Variants in MARK2 observed in about 807,000 individuals in gnomAD.
The protein encoded by MARK2 is microtubule affinity regulating kinase 2, also known as serine/threonine-protein kinase MARK2.
MARK2 carries 16 observed loss-of-function variants against 89.8 expected under a neutral mutation model. That is an observed-to-expected ratio of 0.18 (90% CI 0.12 to 0.27). The LOEUF is 0.27. Ranked by LOEUF, MARK2 falls within the 10% of genes least tolerant of loss-of-function variation. The pLI is 1.00. For synonymous variants in MARK2, 382 were observed against 399.5 expected, an observed-to-expected ratio of 0.96 and a Z score of 0.52; for missense variants, 621 against 1,049.9, an observed-to-expected ratio of 0.59 and a Z score of 5.65.
At chr11:63,853,775 AAAAT>A (rs1189343246) in intron 1 of MARK2, among the ~76,000 whole-genome samples, 1 of 152,232 alleles carries the variant, frequency 6.6e-6, no homozygotes, top group African/African-American at 2.4e-5. Flanking sequence ...TTGTGGTTGA[AAAAT>A]AAAAGCCATT....
At chr11:63,860,728 C>T (rs1354308843) in intron 1 of MARK2, among the ~76,000 whole-genome samples, 3 of 151,402 alleles carry the variant, frequency 2.0e-5, no homozygotes, top group Admixed American at 6.6e-5. Flanking sequence ...TATGGTGGCG[C>T]GTGCCTATAG....
chr11:63,846,945 C>A (rs140941733), intron 1 of MARK2, among the ~76,000 whole-genome samples: 2 of 152,150 alleles, frequency 1.3e-5, no homozygotes, highest in East Asian at 1.9e-4. Flanking sequence ...CGGGAGCCAC[C>A]GCGCCCAGCC....
At chr11:63,856,677 C>T (rs1328660678) in intron 1 of MARK2, among the ~76,000 whole-genome samples, 1 of 151,498 alleles carries the variant, frequency 6.6e-6, no homozygotes, top group Non-Finnish European at 1.5e-5. Flanking sequence ...CCAACCTCGG[C>T]CTCCCAAAGA....
intron 1 of MARK2, among the ~76,000 whole-genome samples, chr11:63,853,829 CA>C (rs972243667): frequency 1.2e-4 from 19 of 152,042 alleles, no homozygotes; most frequent in Admixed American, 7.9e-4. Context: ...TAAAGACTAT[CA>C]TTTTTTTTAT....
chr11:63,899,817 C>A, intron 7 of MARK2, 57 bp from the exon 8 acceptor site: 1 of 1,161,978 alleles, frequency 8.6e-7, no homozygotes, highest in Non-Finnish European at 1.3e-6. Flanking sequence ...CTCCTTCCTG[C>A]CCAGGGCCTT....
At chr11:63,862,887 A>G (rs1937888255) in intron 1 of MARK2, among the ~76,000 whole-genome samples, 1 of 152,058 alleles carries the variant, frequency 6.6e-6, no homozygotes, top group Non-Finnish European at 1.5e-5. Context: ...CCCACTAAAC[A>G]TAAGAAGCTT....
At chr11:63,868,058 A>C (rs1938232578) in intron 1 of MARK2, among the ~76,000 whole-genome samples, 1 of 152,118 alleles carries the variant, frequency 6.6e-6, no homozygotes, top group South Asian at 2.1e-4. Flanking sequence ...GCACATGGTC[A>C]CCTCTTAATG....
rs1680650007 is a variant in MARK2, at chr11:63,910,600, C to T, written c.*1363C>T. 1 of 152,018 alleles carries T rather than the reference C, an allele frequency of 6.6e-6. No homozygotes were observed. Among genetic ancestry groups the T allele is most frequent in the African/African-American group, 2.4e-5 (1 of 41,362 alleles). The allele number at this position is 152,018 out of a possible 1,614,324, so 9.4% of individuals were successfully genotyped here. On this transcript the variant is annotated 3_prime_UTR_variant, in exon 19 of 19. Transcript: ENST00000402010. Reference sequence around the variant, plus strand: ...TACACAGAGGCTGCCCCTACCCTCACCTGAGTTGTACATTTTTTTGTGATG... The same window carrying T: ...TACACAGAGGCTGCCCCTACCCTCATCTGAGTTGTACATTTTTTTGTGATG...
At position 63,902,398 on chromosome 11, in the gene MARK2, A is replaced by G; in HGVS notation, c.1234+68A>G. ...CAGAGAGGTTACAGGTTCTGTGGGG[A>G]CTTGGGTAACACAACTAAGTTTCAG... On this transcript the variant is annotated intron_variant, in intron 12 of 18. Transcript: ENST00000402010. The surrounding 1 kb of genome is among the most constrained non-coding windows in gnomAD (Gnocchi z 4.2). The G allele has an allele frequency of 1.3e-6, 2 of 1,591,954 alleles. No individual in the cohort carries two copies. The highest frequency in any genetic ancestry group is 2.7e-5 in the African/African-American group (2 of 74,450).
At chr11:63,873,822 T>C (rs1938590629) in intron 1 of MARK2, among the ~76,000 whole-genome samples, 1 of 152,206 alleles carries the variant, frequency 6.6e-6, no homozygotes, top group Non-Finnish European at 1.5e-5. Flanking sequence ...ATTTTTGTAT[T>C]TTTAATAAGA....
intron 1 of MARK2, among the ~76,000 whole-genome samples, chr11:63,883,399 A>G (rs1034994443): frequency 3.3e-5 from 5 of 152,178 alleles, no homozygotes; most frequent in Non-Finnish European, 4.4e-5. Context: ...ACAGGAATCA[A>G]CTTAGCTATA....
intron 1 of MARK2, among the ~76,000 whole-genome samples, chr11:63,892,726 A>ATTTTT (rs11412283): frequency 5.7e-5 from 7 of 122,132 alleles, no homozygotes; most frequent in East Asian, 4.7e-4. Flanking sequence ...CAGACTCTGC[A>ATTTTT]TTTTTTTTTT....
intron 1 of MARK2, among the ~76,000 whole-genome samples, chr11:63,847,596 G>C (rs1054681048): frequency 1.3e-5 from 2 of 152,204 alleles, no homozygotes; most frequent in Non-Finnish European, 2.9e-5. Flanking sequence ...GGCTGTGTTC[G>C]TTGAGGCGAA....
At chr11:63,879,328 T>A (rs1938957743) in intron 1 of MARK2, among the ~76,000 whole-genome samples, 1 of 151,860 alleles carries the variant, frequency 6.6e-6, no homozygotes, top group Admixed American at 6.6e-5. Flanking sequence ...ATTTAAAAAA[T>A]CACATTTTGT....
At chr11:63,848,089 T>C (rs10751001) in intron 1 of MARK2, among the ~76,000 whole-genome samples, 89,594 of 152,038 alleles carry the variant, frequency 0.59, 27,470 homozygotes, top group East Asian at 0.89. Context: ...CCATGTGTGC[T>C]GACACTTCCT....
chr11:63,895,713 A>G, intron 3 of MARK2, 80 bp downstream of exon 3: 1 of 1,181,072 alleles, frequency 8.5e-7, no homozygotes, highest in East Asian at 2.4e-5. Context: ...CTTGTCGCCC[A>G]GGCTGGAGTG....
chr11:63,880,159 C>CT (rs1482294272), intron 1 of MARK2: 4 of 146,114 alleles, frequency 2.7e-5, no homozygotes. Flanking sequence ...TCTCATGCTT[C>CT]TTTTTTACTT....
Position 63,839,500 on chromosome 11 carries a change from C to T in MARK2, c.-7C>T, listed in dbSNP as rs1156740634. 2.6e-6 allele frequency: 4 copies of T among 1,527,818 alleles called. No individual in the cohort carries two copies. The highest frequency in any genetic ancestry group is 2.0e-5 in the Admixed American group (1 of 49,836). The allele number at this position is 1,527,818 out of a possible 1,614,324, so 94.6% of individuals were successfully genotyped here. On this transcript the variant is annotated 5_prime_UTR_variant, in exon 1 of 19. Coordinates refer to ENST00000402010, the MANE Select transcript of MARK2 (RefSeq NM_001039469.3). ...TTCTCGGTTCCCTCCCCCGAGATAC[C>T]GGCGCCATGTCCAGCGCTCGGACCC...
chr11:63,856,768 G>GGTTTTTTTTTT lies in MARK2; in HGVS notation c.54+17208_54+17209insGTTTTTTTTTT, dbSNP rs1565100741. 1.5e-4 allele frequency among the ~76,000 whole-genome samples: 8 copies of GGTTTTTTTTTT among 53,796 alleles called. 1 individual carries two copies. Among genetic ancestry groups the GGTTTTTTTTTT allele is most frequent in the African/African-American group, 5.9e-4 (8 of 13,634 alleles). The allele number at this position is 53,796 out of a possible 152,430, so 35.3% of individuals were successfully genotyped here. A position where few individuals can be genotyped will look rare whatever the true frequency, so the allele number is the denominator to read the frequency against. On this transcript the variant is annotated intron_variant, in intron 1 of 18. Coordinates refer to ENST00000402010, the MANE Select transcript of MARK2 (RefSeq NM_001039469.3). ...TTTTTTCCATTTTTAAATTTTTCATGTTTTTTTTTTTTTTTTTTTTTTTTT... is the reference window on the plus strand; with the variant it reads ...TTTTTTCCATTTTTAAATTTTTCATGGTTTTTTTTTTTTTTTTTTTTTTTTTTTTTTTTTTT...
Sources: allele counts gnomAD v4.1 joint callset (sites outside exome capture counted in the v4.1 genomes callset), GRCh38; gene constraint gnomAD v4.1.1; non-coding constraint Gnocchi (gnomAD v3.1); transcripts MANE v1.5; gene names NCBI Gene and HGNC (gene_info 2026-07-23, HGNC 2026-07-21).